The following VWC2 variants were observed in gnomAD, a reference collection of about 807,000 sequenced individuals.
VWC2 encodes von Willebrand factor C domain containing 2, also known as brorin.
VWC2 carries 14 observed loss-of-function variants against 29.8 expected under a neutral mutation model. The observed-to-expected ratio is 0.47, with a 90% CI of 0.31 to 0.74. VWC2 has a LOEUF of 0.74. VWC2 is among the 30% of genes least tolerant of loss of function. The pLI is 0.05. For synonymous variants in VWC2, 213 were observed against 199.0 expected (o/e 1.07, Z -0.59); for missense variants, 457 against 459.8 (o/e 0.99, Z 0.05).
chr7:49,829,867 G>A (rs1789485897), intron 3 of VWC2, among the ~76,000 whole-genome samples: 2 of 152,320 alleles, frequency 1.3e-5, no homozygotes, highest in South Asian at 4.1e-4. Flanking sequence ...GGATGGGAAT[G>A]GCCATCTCTG....
intron 3 of VWC2, among the ~76,000 whole-genome samples, chr7:49,854,571 T>A (rs978010146): frequency 3.3e-5 from 5 of 152,244 alleles, no homozygotes; most frequent in Admixed American, 6.5e-5. Context: ...TTAGTTTTTG[T>A]CTTGTAAATT....
chr7:49,877,546 C>T (rs1202633669), intron 3 of VWC2, among the ~76,000 whole-genome samples: 1 of 110,618 alleles, frequency 9.0e-6, no homozygotes, highest in African/African-American at 3.3e-5. Flanking sequence ...TTACCTATTT[C>T]ATCCTTTGTC....
chr7:49,830,326 G>A (rs1583656427), intron 3 of VWC2, among the ~76,000 whole-genome samples: 1 of 152,094 alleles, frequency 6.6e-6, no homozygotes, highest in African/African-American at 2.4e-5. Context: ...TCTTCACTGG[G>A]GGGTGATGAG....
At chr7:49,848,753 A>G (rs1280506397) in intron 3 of VWC2, among the ~76,000 whole-genome samples, 1 of 152,198 alleles carries the variant, frequency 6.6e-6, no homozygotes, top group Admixed American at 6.5e-5. Context: ...GGTTAATAAT[A>G]TAAGTGGATA....
chr7:49,796,283 GA>G (rs1424146903), intron 2 of VWC2, among the ~76,000 whole-genome samples: 3 of 152,234 alleles, frequency 2.0e-5, no homozygotes, highest in South Asian at 2.1e-4. Context: ...CAATTACTTG[GA>G]AAATTGTTCT....
intron 3 of VWC2, among the ~76,000 whole-genome samples, chr7:49,839,368 A>G (rs1789741616): frequency 6.6e-6 from 1 of 152,218 alleles, no homozygotes; most frequent in African/African-American, 2.4e-5. Context: ...ATGTGATGTC[A>G]TTTAATTTAT....
chr7:49,775,830 G>C lies in VWC2; in HGVS notation c.395G>C (p.Gly132Ala). The change falls in exon 2 of 4, where the codon GGC (glycine) becomes GCC (alanine). Residue 132 changes from glycine to alanine, a missense_variant. Gly to Ala is a moderately conservative substitution (Grantham distance 60). Around this residue, in one of 2 missense-constraint regions of VWC2, gnomAD observed 272 missense variants for 202.7 expected, o/e 1.34. Transcript: ENST00000340652. ...ALAAAAQDAI[G>A]PELAPTPEPP... is the part of the protein sequence containing the mutation. Reference sequence around the variant, plus strand: ...GCCGCAGCCGCCCAGGACGCGATTGGCCCGGAACTCGCGCCCACGCCCGAG... The same window carrying C: ...GCCGCAGCCGCCCAGGACGCGATTGCCCCGGAACTCGCGCCCACGCCCGAG... The C allele has an allele frequency of 6.5e-7, 1 of 1,547,904 alleles. No homozygotes were observed. The highest frequency in any genetic ancestry group is 1.2e-5 in the South Asian group (1 of 83,944).
chr7:49,862,547 TA>T (rs1447046511), intron 3 of VWC2, among the ~76,000 whole-genome samples: 1 of 152,200 alleles, frequency 6.6e-6, no homozygotes. Flanking sequence ...GTTCCTATTT[TA>T]GGGGGAAAGC....
At position 49,917,181 on chromosome 7, in the gene VWC2, A is replaced by G. The variant is rs1793768999; in HGVS notation, c.*4996A>G. 1 of 152,238 alleles carries G rather than the reference A, an allele frequency of 6.6e-6. No homozygotes were observed. The highest frequency in any genetic ancestry group is 1.5e-5 in the Non-Finnish European group (1 of 68,040). The allele number at this position is 152,238 out of a possible 1,614,324, so 9.4% of individuals were successfully genotyped here. On this transcript the variant is annotated 3_prime_UTR_variant, in exon 4 of 4. Transcript: ENST00000340652. ...CAATAATGAGCTGAGTCATTTGTAC[A>G]GAAATATAGTAGCTTCCATAATCTG...
chr7:49,888,127 A>G (rs550991218), intron 3 of VWC2, among the ~76,000 whole-genome samples: 1 of 152,350 alleles, frequency 6.6e-6, no homozygotes, highest in South Asian at 2.1e-4. Context: ...TAGTAGCTCA[A>G]AATTGGCCTT....
At chr7:49,813,579 G>T (rs1371883456) in intron 3 of VWC2, among the ~76,000 whole-genome samples, 1 of 152,116 alleles carries the variant, frequency 6.6e-6, no homozygotes, top group Admixed American at 6.5e-5. Context: ...GTGCTTATAA[G>T]GCTTTAAACA....
intron 3 of VWC2, among the ~76,000 whole-genome samples, chr7:49,854,173 A>G (rs185002077): frequency 6.6e-4 from 101 of 152,322 alleles, no homozygotes; most frequent in African/African-American, 2.3e-3. Flanking sequence ...CGCAATAAGC[A>G]TACATGTGCA....
chr7:49,819,326 G>T (rs1789215087), intron 3 of VWC2, among the ~76,000 whole-genome samples: 1 of 152,182 alleles, frequency 6.6e-6, no homozygotes, highest in Admixed American at 6.5e-5. Flanking sequence ...TTCACAGAAA[G>T]CGTTGTGTGT....
intron 3 of VWC2, among the ~76,000 whole-genome samples, chr7:49,871,052 G>T (rs1013409935): frequency 1.3e-5 from 2 of 152,098 alleles, no homozygotes; most frequent in African/African-American, 4.8e-5. Flanking sequence ...CAATAAATTG[G>T]AGAATTCAAC....
At chr7:49,822,888 G>A (rs1789295741) in intron 3 of VWC2, among the ~76,000 whole-genome samples, 1 of 152,176 alleles carries the variant, frequency 6.6e-6, no homozygotes, top group Non-Finnish European at 1.5e-5. Context: ...TATAGACACA[G>A]CACACTTCAT....
intron 1 of VWC2, among the ~76,000 whole-genome samples, chr7:49,774,604 A>T (rs1450189658): frequency 6.6e-6 from 1 of 152,136 alleles, no homozygotes; most frequent in East Asian, 1.9e-4. Flanking sequence ...GGACACTACA[A>T]GACTGAGCGC....
intron 3 of VWC2, among the ~76,000 whole-genome samples, chr7:49,847,836 G>A (rs1277524680): frequency 6.6e-6 from 1 of 152,130 alleles, no homozygotes; most frequent in Non-Finnish European, 1.5e-5. Flanking sequence ...CAGTGTGAAA[G>A]CCCGCAGAGG....
At chr7:49,911,073 T>C (rs1304731652) in intron 3 of VWC2, among the ~76,000 whole-genome samples, 1 of 152,342 alleles carries the variant, frequency 6.6e-6, no homozygotes, top group East Asian at 1.9e-4. Context: ...GACTGGTTCT[T>C]TGAAGGTCTT....
chr7:49,861,259 T>C (rs566626123), intron 3 of VWC2, among the ~76,000 whole-genome samples: 1 of 152,248 alleles, frequency 6.6e-6, no homozygotes, highest in African/African-American at 2.4e-5. Context: ...TCCTAATGAT[T>C]AATGACATTG....
Sources: allele counts gnomAD v4.1 joint callset (sites outside exome capture counted in the v4.1 genomes callset), GRCh38; gene constraint gnomAD v4.1.1; regional missense constraint gnomAD v4.1.1; transcripts MANE v1.5; gene names NCBI Gene and HGNC (gene_info 2026-07-23, HGNC 2026-07-21).